Variants in DOCK2 observed in about 807,000 individuals in gnomAD.
DOCK2 encodes dedicator of cytokinesis protein 2.
A neutral mutation model predicts 248.9 loss-of-function variants in DOCK2; 87 were observed. That is an observed-to-expected ratio of 0.35 (90% CI 0.29 to 0.42). DOCK2 has a LOEUF of 0.42. Ranked by LOEUF, DOCK2 falls within the 10% of genes least tolerant of loss-of-function variation. DOCK2 has a pLI of 1.00. For missense variants in DOCK2, 1,747 were observed against 2,300.2 expected, an observed-to-expected ratio of 0.76 and a Z score of 4.92; for synonymous variants, 805 against 821.6, an observed-to-expected ratio of 0.98 and a Z score of 0.35.
intron 32 of DOCK2, among the ~76,000 whole-genome samples, chr5:170,016,409 CA>C (rs1755540420): frequency 1.3e-5 from 2 of 152,178 alleles, no homozygotes; most frequent in Non-Finnish European, 2.9e-5. Flanking sequence ...TAAAGATATG[CA>C]AACACATATG....
At chr5:169,858,209 G>A (rs1770996130) in intron 27 of DOCK2, among the ~76,000 whole-genome samples, 2 of 152,238 alleles carry the variant, frequency 1.3e-5, no homozygotes, top group Admixed American at 1.3e-4. Flanking sequence ...GAAGACTTCA[G>A]TCTAGATAGA....
At chr5:169,737,392 T>A (rs1763093556) in intron 22 of DOCK2, among the ~76,000 whole-genome samples, 1 of 152,092 alleles carries the variant, frequency 6.6e-6, no homozygotes, top group African/African-American at 2.4e-5. Context: ...CTAGAAATTA[T>A]CTTAGGGAAA....
intron 27 of DOCK2, among the ~76,000 whole-genome samples, chr5:169,899,745 A>G (rs918839510): frequency 8.5e-5 from 13 of 152,230 alleles, no homozygotes; most frequent in African/African-American, 3.1e-4. Context: ...TTGTTGGCAT[A>G]CAAAGACTGC....
intron 26 of DOCK2, among the ~76,000 whole-genome samples, chr5:169,819,496 C>T (rs1768285449): frequency 6.6e-6 from 1 of 152,150 alleles, no homozygotes; most frequent in South Asian, 2.1e-4. Context: ...TAGCATGCAC[C>T]TGTAGTCCCG....
At chr5:170,049,078 C>G (rs1428062552) in intron 40 of DOCK2, among the ~76,000 whole-genome samples, 2 of 152,164 alleles carry the variant, frequency 1.3e-5, no homozygotes, top group Non-Finnish European at 2.9e-5. Flanking sequence ...GTCAGAATCC[C>G]CTGGAGAACT....
chr5:169,974,217 C>T (rs1177979897), intron 27 of DOCK2, among the ~76,000 whole-genome samples: 2 of 152,186 alleles, frequency 1.3e-5, no homozygotes, highest in African/African-American at 2.4e-5. Context: ...GTATTACCAA[C>T]ATCTACTGAA....
intron 27 of DOCK2, among the ~76,000 whole-genome samples, chr5:169,928,837 A>T (rs1401551226): frequency 1.3e-5 from 2 of 152,252 alleles, no homozygotes; most frequent in African/African-American, 4.8e-5. Flanking sequence ...GTAATTACTC[A>T]GTGATGAAAA....
intron 30 of DOCK2, among the ~76,000 whole-genome samples, chr5:170,005,714 T>G (rs1032808895): frequency 2.0e-5 from 3 of 152,110 alleles, no homozygotes; most frequent in African/African-American, 7.2e-5. Context: ...AAAAGTGAAT[T>G]TTATGGTATA....
At chr5:169,704,774 TGTGTGTGTGTGTG>T (rs1388812499) in intron 14 of DOCK2, among the ~76,000 whole-genome samples, 4 of 46,230 alleles carry the variant, frequency 8.7e-5, no homozygotes, top group Non-Finnish European at 2.1e-4. Flanking sequence ...TGTGTGTGTG[TGTGTGTGTGTGTG>T]TGTGTGTGTG....
intron 10 of DOCK2, among the ~76,000 whole-genome samples, 181 bp from the exon 11 acceptor site, chr5:169,698,193 C>A (rs541047798): frequency 4.6e-5 from 7 of 152,314 alleles, no homozygotes; most frequent in African/African-American, 1.4e-4. Context: ...TGCCCTGGTG[C>A]TGCACGCGAG....
chr5:169,910,756 T>C (rs995620627), intron 27 of DOCK2, among the ~76,000 whole-genome samples: 1 of 152,212 alleles, frequency 6.6e-6, no homozygotes. Flanking sequence ...GACTGATGAC[T>C]AAACTTTTTA....
In DOCK2 at chr5:169,980,058, G is replaced by A. The variant is rs115619274; in HGVS notation, c.2800-3010G>A. Among the ~76,000 whole-genome samples, 319 of 152,160 alleles carry A rather than the reference G, an allele frequency of 2.1e-3. 3 individuals carry two copies. The highest frequency in any genetic ancestry group is 7.4e-3 in the African/African-American group (307 of 41,488). On this transcript the variant is annotated intron_variant, in intron 27 of 51. Coordinates refer to ENST00000520908, the MANE Select transcript of DOCK2 (RefSeq NM_004946.3). Reference sequence around the variant, plus strand: ...CCTTCAAATTCAAATCAAGCCATTTGAAATAACAAGCATTCCATATCCATG... The same window carrying A: ...CCTTCAAATTCAAATCAAGCCATTTAAAATAACAAGCATTCCATATCCATG...
intron 13 of DOCK2, among the ~76,000 whole-genome samples, chr5:169,700,809 C>T (rs1053989267): frequency 2.6e-5 from 4 of 151,718 alleles, no homozygotes; most frequent in African/African-American, 9.7e-5. Flanking sequence ...GTCATGTCAT[C>T]AAACCTAAAC....
intron 27 of DOCK2, among the ~76,000 whole-genome samples, chr5:169,873,223 AG>A (rs1772097835): frequency 6.6e-6 from 1 of 152,264 alleles, no homozygotes; most frequent in Non-Finnish European, 1.5e-5. Context: ...AGAAAAAGAA[AG>A]GGGTAAAGCC....
intron 32 of DOCK2, among the ~76,000 whole-genome samples, chr5:170,016,179 G>A (rs1755533145): frequency 6.6e-6 from 1 of 152,158 alleles, no homozygotes. Context: ...TTTCCTGCTG[G>A]CTTATTGGCA....
At chr5:169,657,591 C>A (rs976506591) in intron 2 of DOCK2, among the ~76,000 whole-genome samples, 4 of 152,084 alleles carry the variant, frequency 2.6e-5, no homozygotes, top group African/African-American at 9.7e-5. Flanking sequence ...CATAAAAAAG[C>A]AGTGTGATTT....
intron 8 of DOCK2, among the ~76,000 whole-genome samples, chr5:169,686,063 G>A (rs899144878): frequency 2.0e-5 from 3 of 150,922 alleles, no homozygotes; most frequent in African/African-American, 7.4e-5. Flanking sequence ...CTTAGCCTTG[G>A]TGGACCCCGA....
At chr5:169,740,095 C>T (rs1264597080) in intron 22 of DOCK2, among the ~76,000 whole-genome samples, 1 of 152,230 alleles carries the variant, frequency 6.6e-6, no homozygotes, top group African/African-American at 2.4e-5. Flanking sequence ...AAGTGTGCAG[C>T]TCCTCTGAAT....
chr5:169,712,820 C>T (rs1761658085), intron 17 of DOCK2, among the ~76,000 whole-genome samples: 1 of 152,200 alleles, frequency 6.6e-6, no homozygotes, highest in Non-Finnish European at 1.5e-5. Context: ...CATTATGAGA[C>T]TTGGACTGTT....
Sources: gnomAD v4.1 joint callset for allele counts (sites outside exome capture counted in the v4.1 genomes callset) on GRCh38, gnomAD v4.1.1 for gene constraint, MANE v1.5 for transcripts, NCBI Gene and HGNC (gene_info 2026-07-23, HGNC 2026-07-21) for gene names.